Variants in RCBTB2 observed in about 807,000 individuals in gnomAD.
RCBTB2 encodes RCC1 and BTB domain containing protein 2, also known as RCC1 and BTB domain-containing protein 2.
A neutral mutation model predicts 65.4 loss-of-function variants in RCBTB2; 55 were observed. The observed-to-expected ratio is 0.84, with a 90% CI of 0.68 to 1.05. RCBTB2 has a LOEUF of 1.05. Among genes scored for constraint, RCBTB2 ranks in the 50% least tolerant of loss-of-function variants. RCBTB2 has a pLI of 0.00. For missense variants in RCBTB2, 599 were observed against 680.1 expected (o/e 0.88, Z 1.33); for synonymous variants, 220 against 255.2 (o/e 0.86, Z 1.31).
At chr13:48,499,550 T>C (rs1950138857) in intron 13 of RCBTB2, 71 bp downstream of exon 13, 2 of 1,491,628 alleles carry the variant, frequency 1.3e-6, no homozygotes, top group Non-Finnish European at 9.2e-7. Flanking sequence ...GACTTTCTTT[T>C]AGGTTCTATA....
upstream of RCBTB2, chr13:48,533,262 C>A: frequency 3.3e-6 from 1 of 303,442 alleles, no homozygotes; most frequent in East Asian, 1.5e-4. Flanking sequence ...CGCCCCTCCC[C>A]TTTCTCGCAG....
At position 48,521,870 on chromosome 13, in the gene RCBTB2, T is replaced by A. The variant is rs368358334; in HGVS notation, c.42+28A>T. 3.7e-6 allele frequency: 6 copies of A among 1,608,776 alleles called. No homozygotes were observed. The African/African-American group carries it at 8.0e-5, about 22-fold the overall frequency. On this transcript the variant is annotated intron_variant, in intron 4 of 14. Coordinates refer to ENST00000344532, the MANE Select transcript of RCBTB2 (RefSeq NM_001268.4). ...TATGTTTCATGCAACAGAACACACATGCTCCAAGGGCATGATTTTTTTCTA... is the reference window on the plus strand; with the variant it reads ...TATGTTTCATGCAACAGAACACACAAGCTCCAAGGGCATGATTTTTTTCTA...
At position 48,499,673 on chromosome 13, in the gene RCBTB2, G is replaced by C; in HGVS notation, c.1332C>G (p.Phe444Leu). The change falls in exon 13 of 15, where the codon TTC becomes TTG. Residue 444 changes from phenylalanine to leucine, a missense_variant. By Grantham distance (22) the Phe-to-Leu change is conservative. Transcript: ENST00000344532. Reference protein sequence around the residue: ...SEFSYPVYRAFLEYLYTDSIS... With the variant: ...SEFSYPVYRALLEYLYTDSIS... Reference sequence around the variant, plus strand: ...TGCTGTCTGTGTATAGGTATTCCAGGAAGGCCCGGTAAACAGGATATGAAA... The same window carrying C: ...TGCTGTCTGTGTATAGGTATTCCAGCAAGGCCCGGTAAACAGGATATGAAA... 1 of 1,614,174 alleles carries C rather than the reference G, an allele frequency of 6.2e-7. No individual in the cohort carries two copies. The highest frequency in any genetic ancestry group is 1.3e-5 in the African/African-American group (1 of 75,036).
chr13:48,493,073 T>C (rs1314367253), intron 14 of RCBTB2, among the ~76,000 whole-genome samples: 2 of 152,114 alleles, frequency 1.3e-5, no homozygotes, highest in African/African-American at 4.8e-5. Flanking sequence ...GTCTTTTTTT[T>C]CCTCACATCT....
upstream of RCBTB2, among the ~76,000 whole-genome samples, chr13:48,535,255 CTTTTTT>C (rs563743014): frequency 1.5e-5 from 2 of 136,306 alleles, no homozygotes; most frequent in Non-Finnish European, 3.2e-5. Flanking sequence ...TATTCATCCT[CTTTTTT>C]TTTTTTTTTT....
At chr13:48,502,972 T>A (rs187189719) in intron 10 of RCBTB2, 58 bp from the exon 11 acceptor site, 31 of 1,455,240 alleles carry the variant, frequency 2.1e-5, no homozygotes, top group Non-Finnish European at 9.2e-7. Flanking sequence ...ACAAGTTGGG[T>A]CCTCCTCCCG....
At chr13:48,495,340 A>G (rs1350842611) in intron 14 of RCBTB2, among the ~76,000 whole-genome samples, 1 of 152,162 alleles carries the variant, frequency 6.6e-6, no homozygotes, top group East Asian at 1.9e-4. Flanking sequence ...TTTTCTATGT[A>G]GATAATGAAT....
chr13:48,513,524 T>C (rs1205882802), intron 6 of RCBTB2, among the ~76,000 whole-genome samples: 1 of 152,204 alleles, frequency 6.6e-6, no homozygotes, highest in Non-Finnish European at 1.5e-5. Flanking sequence ...TTTTCCAGCA[T>C]GTTGTCTCTT....
intron 14 of RCBTB2, among the ~76,000 whole-genome samples, chr13:48,490,710 AGAAATTGCTGCTCT>A (rs1184875613): frequency 1.3e-5 from 2 of 152,226 alleles, no homozygotes; most frequent in Admixed American, 1.3e-4. Flanking sequence ...AGTAATGCCA[AGAAATTGCTGCTCT>A]GAAGTCATTA....
At chr13:48,532,718 C>A (rs1016372897) in intron 1 of RCBTB2, 2 of 297,330 alleles carry the variant, frequency 6.7e-6, no homozygotes, top group South Asian at 2.5e-5. Context: ...AGGATGTAGT[C>A]GCGAGCAGCG....
Position 48,499,858 on chromosome 13 carries a change from C to G in RCBTB2, c.1245-98G>C, listed in dbSNP as rs117919451. The G allele has an allele frequency of 6.4e-3, 8,843 of 1,381,828 alleles. 97 individuals carry two copies. The highest frequency in any genetic ancestry group is 5.5e-3 in the Non-Finnish European group (5,461 of 998,638). 85.6% of individuals were successfully genotyped at this position (1,381,828 alleles called of 1,614,324 possible). A position where few individuals can be genotyped will look rare whatever the true frequency, so the allele number is the denominator to read the frequency against. On this transcript the variant is annotated intron_variant, in intron 12 of 14. Transcript: ENST00000344532. ...CTTCTCTCGAAGGTGCACGCTGGCA[C>G]GTCCCTGCTGTGGCTCCTCACTTTC...
chr13:48,533,578 T>C (rs1388920267), upstream of RCBTB2, among the ~76,000 whole-genome samples: 1 of 152,152 alleles, frequency 6.6e-6, no homozygotes. Context: ...TAGCCCCCTG[T>C]AGTACAAATG....
chr13:48,493,309 A>T (rs1388395214), intron 14 of RCBTB2, among the ~76,000 whole-genome samples: 779 of 47,788 alleles, frequency 0.016, 4 homozygotes, highest in Non-Finnish European at 0.033. Flanking sequence ...ACACACACAC[A>T]CACACACTCT....
chr13:48,520,069 A>T (rs569287175), intron 4 of RCBTB2, among the ~76,000 whole-genome samples: 18 of 150,088 alleles, frequency 1.2e-4, no homozygotes, highest in Admixed American at 2.0e-4. Flanking sequence ...TTCAAAAATT[A>T]AAAAAAAAAT....
chr13:48,493,376 A>G (rs1222464299), intron 14 of RCBTB2, among the ~76,000 whole-genome samples: 1 of 83,434 alleles, frequency 1.2e-5, no homozygotes, highest in Non-Finnish European at 2.5e-5. Context: ...CTCTCTCCCT[A>G]CCTCCCTCCC....
At position 48,518,472 on chromosome 13, in the gene RCBTB2, A is replaced by AATATAT. The variant is rs779789935; in HGVS notation, c.43-2737_43-2732dup. The stretch of plus-strand genomic sequence containing the variant: ...AGAGTACTTTGCAAAAAAAAAAAAA[A>AATATAT]ATATATATATATATATATATATATT... On this transcript the variant is annotated intron_variant, in intron 4 of 14. Transcript: ENST00000344532. 4.9e-3 allele frequency among the ~76,000 whole-genome samples: 567 copies of AATATAT among 116,554 alleles called. 3 individuals carry two copies. Among genetic ancestry groups the AATATAT allele is most frequent in the Admixed American group, 6.6e-3 (78 of 11,750 alleles). The allele number at this position is 116,554 out of a possible 152,430, so 76.5% of individuals were successfully genotyped here. A position where few individuals can be genotyped will look rare whatever the true frequency, so the allele number is the denominator to read the frequency against.
intron 4 of RCBTB2, among the ~76,000 whole-genome samples, chr13:48,519,676 G>A (rs1294270627): frequency 6.6e-6 from 1 of 152,164 alleles, no homozygotes; most frequent in Non-Finnish European, 1.5e-5. Flanking sequence ...TTCTCTTCAA[G>A]GAGGTCACAA....
intron 14 of RCBTB2, among the ~76,000 whole-genome samples, chr13:48,493,289 C>CCACACACACACACACACACACA (rs1237098435): frequency 9.8e-6 from 1 of 102,292 alleles, no homozygotes; most frequent in African/African-American, 5.5e-5. Flanking sequence ...CTCTCTCTCT[C>CCACACACACACACACACACACA]CACACACACA....
chr13:48,531,783 C>T (rs1566348046), intron 1 of RCBTB2, among the ~76,000 whole-genome samples: 1 of 152,282 alleles, frequency 6.6e-6, no homozygotes, highest in African/African-American at 2.4e-5. Flanking sequence ...CTATTCCAGC[C>T]CCCAAATATC....
Sources: allele counts gnomAD v4.1 joint callset (sites outside exome capture counted in the v4.1 genomes callset), GRCh38; gene constraint gnomAD v4.1.1; transcripts MANE v1.5; gene names NCBI Gene and HGNC (gene_info 2026-07-23, HGNC 2026-07-21).